PACS2: variants seen among roughly 807,000 people sequenced by gnomAD.
PACS2 encodes the protein phosphofurin acidic cluster sorting protein 2.
In PACS2, 36 loss-of-function variants were observed where a neutral mutation model predicts 113.0. That is an observed-to-expected ratio of 0.32 (90% CI 0.24 to 0.42). The LOEUF is 0.42. Among genes scored for constraint, PACS2 ranks in the 10% least tolerant of loss-of-function variants. PACS2 has a pLI of 1.00. For missense variants in PACS2, 1,015 were observed against 1,239.5 expected, an observed-to-expected ratio of 0.82 and a Z score of 2.72; for synonymous variants, 589 against 536.1, an observed-to-expected ratio of 1.10 and a Z score of -1.36.
At chr14:105,362,158 C>T (rs1424781987) in intron 4 of PACS2, among the ~76,000 whole-genome samples, 2 of 151,784 alleles carry the variant, frequency 1.3e-5, no homozygotes, top group African/African-American at 2.4e-5. Context: ...GTGGCTCACG[C>T]CTGTCATCCC....
At chr14:105,380,906 A>G in intron 11 of PACS2, 51 bp from the exon 12 acceptor site, 1 of 1,560,084 alleles carries the variant, frequency 6.4e-7, no homozygotes, top group Non-Finnish European at 8.7e-7. Context: ...GAGAGGCCGC[A>G]GCACGGGTGT....
At chr14:105,303,287 A>G (rs972140128) in intron 1 of PACS2, among the ~76,000 whole-genome samples, 5 of 152,050 alleles carry the variant, frequency 3.3e-5, no homozygotes, top group Non-Finnish European at 7.3e-5. Flanking sequence ...TCTGTCACCC[A>G]GGCTGGAATG....
intron 1 of PACS2, among the ~76,000 whole-genome samples, chr14:105,304,376 T>C (rs2058119343): frequency 6.6e-6 from 1 of 152,014 alleles, no homozygotes; most frequent in African/African-American, 2.4e-5. Flanking sequence ...TAGTTCCAGC[T>C]ACTCGGGAGG....
At chr14:105,377,826 G>A (rs1048095390) in intron 9 of PACS2, among the ~76,000 whole-genome samples, 11 of 152,230 alleles carry the variant, frequency 7.2e-5, no homozygotes, top group Non-Finnish European at 1.2e-4. Context: ...TTGCCATCCC[G>A]AGGCTGTGGC....
chr14:105,391,116 G>A (rs1555414709), intron 20 of PACS2, 91 bp from the exon 21 acceptor site: 2 of 936,758 alleles, frequency 2.1e-6, no homozygotes, highest in South Asian at 1.3e-5. Flanking sequence ...TGGGAGTGGT[G>A]GCCACGGTGG....
intron 19 of PACS2, among the ~76,000 whole-genome samples, chr14:105,386,454 A>G (rs1555413599): frequency 6.6e-6 from 1 of 151,836 alleles, no homozygotes; most frequent in East Asian, 1.9e-4. Flanking sequence ...TTTCATTCCG[A>G]GGCAGCTCCA....
In PACS2 at chr14:105,317,886, T is replaced by G. The variant is rs1157624851; in HGVS notation, c.119+2849T>G. ...TTGAACTGGGCATGCTGGGCTGTTG[T>G]TGGGGAGGCCTGTGCTCCGGGTTTC... On this transcript the variant is annotated intron_variant, in intron 1 of 24. Transcript: ENST00000447393. This position sits in a 1 kb window ranked among gnomAD's most constrained non-coding sequence, Gnocchi z 4.2. 6.6e-6 allele frequency among the ~76,000 whole-genome samples: 1 copy of G among 152,180 alleles called. No individual in the cohort carries two copies. The highest frequency in any genetic ancestry group is 1.5e-5 in the Non-Finnish European group (1 of 68,030).
chr14:105,309,155 C>G lies in PACS2; in HGVS notation c.-83+8176C>G, dbSNP rs146026202. ...GGGCCTGGGTGTTTTCCTTTCTTTT[C>G]TAATATTTAAGTTATGTCCTGGCTT... is the stretch of plus-strand genomic sequence containing the variant. On this transcript the variant is annotated intron_variant, in intron 1 of 23. Transcript: ENST00000430725. This position sits in a 1 kb window ranked among gnomAD's most constrained non-coding sequence, Gnocchi z 4.0. 2.1e-3 allele frequency among the ~76,000 whole-genome samples: 323 copies of G among 152,156 alleles called. 1 individual carries two copies. Among genetic ancestry groups the G allele is most frequent in the African/African-American group, 6.9e-3 (285 of 41,520 alleles).
Position 105,317,571 on chromosome 14 carries a change from G to A in PACS2, c.119+2534G>A, listed in dbSNP as rs1395386078. On this transcript the variant is annotated intron_variant, in intron 1 of 24. Coordinates refer to ENST00000447393, the MANE Select transcript of PACS2 (RefSeq NM_001100913.3). The surrounding 1 kb of genome is among the most constrained non-coding windows in gnomAD (Gnocchi z 4.2). ...TGAATTTCTCTGATTACTAATTTAG[G>A]CCATTTGTACTTCCTTGTCAGTGAA... Among the ~76,000 whole-genome samples the A allele has an allele frequency of 6.6e-6, 1 of 152,070 alleles. No individual in the cohort carries two copies. Among genetic ancestry groups the A allele is most frequent in the Non-Finnish European group, 1.5e-5 (1 of 68,024 alleles).
chr14:105,347,694 A>G (rs186503692), intron 1 of PACS2, among the ~76,000 whole-genome samples: 12 of 152,288 alleles, frequency 7.9e-5, no homozygotes, highest in African/African-American at 2.2e-4. Context: ...AAATGAGCCA[A>G]GCTTCAAAGA....
intron 1 of PACS2, among the ~76,000 whole-genome samples, chr14:105,328,298 TCTC>T (rs2059194779): frequency 6.6e-6 from 1 of 152,118 alleles, no homozygotes; most frequent in Non-Finnish European, 1.5e-5. Flanking sequence ...TGTCCTCACC[TCTC>T]CTCCTGGAGA....
intron 1 of PACS2, among the ~76,000 whole-genome samples, chr14:105,341,741 G>A (rs2059732528): frequency 6.6e-6 from 1 of 152,218 alleles, no homozygotes; most frequent in Admixed American, 6.5e-5. Context: ...GTCTTGCCGT[G>A]TTGCCCAGGC....
Position 105,396,245 on chromosome 14 carries a change from C to G in PACS2, c.*1573C>G, listed in dbSNP as rs1595207009. The stretch of plus-strand genomic sequence containing the variant: ...GCCCCAGCCCCTCCCAGCCAGAGCC[C>G]CTCCACACCAGGGACTCCTCCTTCA... On this transcript the variant is annotated 3_prime_UTR_variant, in exon 25 of 25. Transcript: ENST00000447393. 1 of 152,434 alleles carries G rather than the reference C, an allele frequency of 6.6e-6. No homozygotes were observed. Among genetic ancestry groups the G allele is most frequent in the East Asian group, 1.9e-4 (1 of 5,178 alleles). The allele number at this position is 152,434 out of a possible 1,614,324, so 9.4% of individuals were successfully genotyped here.
At chr14:105,343,795 A>G (rs2059821975) in intron 1 of PACS2, among the ~76,000 whole-genome samples, 1 of 151,714 alleles carries the variant, frequency 6.6e-6, no homozygotes, top group Admixed American at 6.6e-5. Flanking sequence ...TCCCTGGTTC[A>G]AGCAATTCCC....
Position 105,307,952 on chromosome 14 carries a change from G to T in PACS2, c.-83+6973G>T, listed in dbSNP as rs373674611. On this transcript the variant is annotated intron_variant, in intron 1 of 23. Coordinates refer to the PACS2 transcript ENST00000430725. ...CATCCCAGCACTTTGGGAGGCAGAG[G>T]TGGGAGGATAGCTTGAGCCCAGGAG... is the stretch of plus-strand genomic sequence containing the variant. Among the ~76,000 whole-genome samples, 4 of 152,336 alleles carry T rather than the reference G, an allele frequency of 2.6e-5. No individual in the cohort carries two copies. The East Asian group carries it at 7.7e-4, about 29-fold the overall frequency.
At chr14:105,347,847 G>T (rs1278359830) in intron 1 of PACS2, among the ~76,000 whole-genome samples, 2 of 152,192 alleles carry the variant, frequency 1.3e-5, no homozygotes, top group Non-Finnish European at 2.9e-5. Context: ...CGGGGAGATG[G>T]CATGTTCACA....
At position 105,368,495 on chromosome 14, in the gene PACS2, A is replaced by C; in HGVS notation, c.697A>C (p.Lys233Gln). 6.2e-7 allele frequency: 1 copy of C among 1,614,092 alleles called. No homozygotes were observed. Among genetic ancestry groups the C allele is most frequent in the Non-Finnish European group, 8.5e-7 (1 of 1,179,996 alleles). Residue 233 changes from lysine (K) to glutamine (Q), a missense_variant, in exon 7 of 25, where the codon AAG becomes CAG. Lys to Gln is a moderately conservative substitution (Grantham distance 53). Around this residue, in one of 3 missense-constraint regions of PACS2, gnomAD observed 859 missense variants for 1,056.8 expected, o/e 0.81. Transcript: ENST00000447393. ...DEDDFDVGKP[K>Q]KQRRSIVRTT... is the part of the protein sequence containing the mutation. ...GGACGACTTTGACGTGGGGAAGCCGAAGAAGCAGCGGAGATCGATTGTAAG... is the reference window on the plus strand; with the variant it reads ...GGACGACTTTGACGTGGGGAAGCCGCAGAAGCAGCGGAGATCGATTGTAAG...
chr14:105,360,214 A>C (rs1384928920), intron 4 of PACS2, among the ~76,000 whole-genome samples: 1 of 152,206 alleles, frequency 6.6e-6, no homozygotes, highest in African/African-American at 2.4e-5. Flanking sequence ...CAATAGCATT[A>C]CGTCAAAAAA....
Position 105,355,076 on chromosome 14 carries a change from G to A in PACS2, c.322G>A (p.Gly108Ser), listed in dbSNP as rs2060383580. 1 of 1,613,550 alleles carries A rather than the reference G, an allele frequency of 6.2e-7. No homozygotes were observed. The highest frequency in any genetic ancestry group is 1.3e-5 in the African/African-American group (1 of 75,066). ...LQYPHFLKRE[G>S]NKLQIMLQRR... is the part of the protein sequence containing the mutation. ...GTATCCTCACTTCTTGAAGAGGGAA[G>A]GCAACAAGCTTCAGATCATGCTGCA... is the stretch of plus-strand genomic sequence containing the variant. The change falls in exon 4 of 25, where the codon GGC becomes AGC. Residue 108 changes from glycine to serine, a missense_variant. Around this residue, in one of 3 missense-constraint regions of PACS2, gnomAD observed 140 missense variants for 135.1 expected, o/e 1.04. Coordinates refer to ENST00000447393, the MANE Select transcript of PACS2 (RefSeq NM_001100913.3). The surrounding 1 kb of genome is among the most constrained non-coding windows in gnomAD (Gnocchi z 4.1).
Sources: gnomAD v4.1 joint callset for allele counts (sites outside exome capture counted in the v4.1 genomes callset) on GRCh38, gnomAD v4.1.1 for gene constraint, gnomAD v4.1.1 regional missense constraint, Gnocchi (gnomAD v3.1) non-coding constraint, MANE v1.5 for transcripts, NCBI Gene and HGNC (gene_info 2026-07-23, HGNC 2026-07-21) for gene names.